Variants in EEPD1 observed in about 807,000 individuals in gnomAD.
EEPD1 encodes endonuclease/exonuclease/phosphatase family domain containing 1.
A neutral mutation model predicts 46.3 loss-of-function variants in EEPD1; 17 were observed. That is an observed-to-expected ratio of 0.37 (90% CI 0.25 to 0.55). The LOEUF (loss-of-function observed/expected upper bound fraction) is 0.55, where lower values mean the gene tolerates loss of function less well. EEPD1 is among the 20% of genes least tolerant of loss of function. EEPD1 has a pLI of 0.83. For missense variants in EEPD1, 673 were observed against 745.6 expected (o/e 0.90, Z 1.13); for synonymous variants, 313 against 315.6 (o/e 0.99, Z 0.09).
intron 2 of EEPD1, among the ~76,000 whole-genome samples, chr7:36,166,194 GT>G (rs1639884623): frequency 6.6e-6 from 1 of 152,190 alleles, no homozygotes; most frequent in Non-Finnish European, 1.5e-5. Context: ...GCTGAACTCA[GT>G]TTAACGCCAG....
Position 36,156,140 on chromosome 7 carries a change from G to A in EEPD1, c.878+938G>A, listed in dbSNP as rs547441493. 3.9e-5 allele frequency among the ~76,000 whole-genome samples: 6 copies of A among 152,320 alleles called. No homozygotes were observed. The East Asian group carries it at 7.7e-4, about 20-fold the overall frequency. On this transcript the variant is annotated intron_variant, in intron 2 of 7. Coordinates refer to ENST00000242108, the MANE Select transcript of EEPD1 (RefSeq NM_030636.3). ...AGGGGTGCAGTGTTTGTGGCTACTCGTTGATTTCCTTTGCACTGAGTTGTT... is the reference window on the plus strand; with the variant it reads ...AGGGGTGCAGTGTTTGTGGCTACTCATTGATTTCCTTTGCACTGAGTTGTT...
chr7:36,297,268 A>C, intron 7 of EEPD1, 81 bp downstream of exon 7: 42 of 1,466,264 alleles, frequency 2.9e-5, no homozygotes, highest in Non-Finnish European at 3.7e-5. Context: ...AAGTCATCTC[A>C]CCTCCTCTGA....
intron 2 of EEPD1, among the ~76,000 whole-genome samples, chr7:36,199,333 A>T (rs144895017): frequency 5.3e-5 from 8 of 152,258 alleles, no homozygotes; most frequent in African/African-American, 1.9e-4. Context: ...GAGAGATTTT[A>T]AATTTTCATT....
intron 3 of EEPD1, among the ~76,000 whole-genome samples, chr7:36,246,118 G>A (rs953352654): frequency 7.9e-5 from 12 of 152,220 alleles, no homozygotes; most frequent in African/African-American, 2.4e-4. Context: ...ACCAGAGGGC[G>A]GACCACTGGC....
chr7:36,233,470 C>A (rs574252943), intron 2 of EEPD1, among the ~76,000 whole-genome samples: 1 of 152,206 alleles, frequency 6.6e-6, no homozygotes, highest in Non-Finnish European at 1.5e-5. Context: ...ATTCCTTGAG[C>A]GCTTTCCATG....
intron 6 of EEPD1, among the ~76,000 whole-genome samples, chr7:36,291,701 A>C (rs562879507): frequency 3.7e-4 from 57 of 152,266 alleles, no homozygotes; most frequent in Non-Finnish European, 7.5e-4. Context: ...CTTTCCCTGC[A>C]GTTGTTATTA....
Position 36,212,569 on chromosome 7 carries a change from G to T in EEPD1, c.879-26416G>T, listed in dbSNP as rs1289925120. On this transcript the variant is annotated intron_variant, in intron 2 of 7. Coordinates refer to ENST00000242108, the MANE Select transcript of EEPD1 (RefSeq NM_030636.3). ...ATGTAGTGGTTCTTAACCTCTGTTT[G>T]CATCATGCTTGCTAATGTCCCATTG... Among the ~76,000 whole-genome samples, 2 of 29,388 alleles carry T rather than the reference G, an allele frequency of 6.8e-5. 1 individual carries two copies. The highest frequency in any genetic ancestry group is 2.4e-4 in the Non-Finnish European group (2 of 8,452). The allele number at this position is 29,388 out of a possible 152,430, so 19.3% of individuals were successfully genotyped here.
rs111571087 is a variant in EEPD1, at chr7:36,226,302, C to T, written c.879-12683C>T. Among the ~76,000 whole-genome samples, 363 of 152,220 alleles carry T rather than the reference C, an allele frequency of 2.4e-3. 2 individuals are homozygous for T. The highest frequency in any genetic ancestry group is 8.0e-3 in the African/African-American group (334 of 41,516). On this transcript the variant is annotated intron_variant, in intron 2 of 7. Coordinates refer to ENST00000242108, the MANE Select transcript of EEPD1 (RefSeq NM_030636.3). Reference sequence around the variant, plus strand: ...GCTCTGAATGATGAGTACTAATAGCCGCCATTCCGAGAGGCTTATGAGGGA... The same window carrying T: ...GCTCTGAATGATGAGTACTAATAGCTGCCATTCCGAGAGGCTTATGAGGGA...
chr7:36,269,140 T>G (rs1229038608), intron 3 of EEPD1, among the ~76,000 whole-genome samples: 3 of 152,170 alleles, frequency 2.0e-5, no homozygotes, highest in Admixed American at 2.0e-4. Flanking sequence ...CATGGCCATT[T>G]TAAACACACA....
At chr7:36,250,630 G>A (rs1786721665) in intron 3 of EEPD1, among the ~76,000 whole-genome samples, 2 of 152,180 alleles carry the variant, frequency 1.3e-5, no homozygotes, top group Non-Finnish European at 2.9e-5. Flanking sequence ...AGTCCAAAAT[G>A]TATCTTATTT....
In EEPD1 at chr7:36,154,124, A is replaced by G. The variant is rs148564104; in HGVS notation, c.-192-9A>G. On this transcript the variant is annotated splice_polypyrimidine_tract_variant and intron_variant, in intron 1 of 7. Transcript: ENST00000242108. The surrounding 1 kb of genome is among the most constrained non-coding windows in gnomAD (Gnocchi z 4.2). ...AATGGGTTTCTATGTTTATTGATTT[A>G]TTTTCTAGGCGGCCAAGTGAAAGGT... is the stretch of plus-strand genomic sequence containing the variant. 7.8e-4 allele frequency: 498 copies of G among 637,020 alleles called. 4 individuals are homozygous for G. The East Asian group carries it at 0.014, about 17-fold the overall frequency. 39.5% of individuals were successfully genotyped at this position (637,020 alleles called of 1,614,324 possible). A position where few individuals can be genotyped will look rare whatever the true frequency, so the allele number is the denominator to read the frequency against.
At chr7:36,236,335 A>C (rs1011404024) in intron 2 of EEPD1, among the ~76,000 whole-genome samples, 1 of 152,192 alleles carries the variant, frequency 6.6e-6, no homozygotes, top group Non-Finnish European at 1.5e-5. Context: ...CACGGGTTCC[A>C]GGTGAGCGCG....
chr7:36,213,740 C>T (rs1785977858), intron 2 of EEPD1, among the ~76,000 whole-genome samples: 1 of 152,154 alleles, frequency 6.6e-6, no homozygotes, highest in Admixed American at 6.5e-5. Flanking sequence ...CATGTAGGCT[C>T]AGCATCCTAT....
At chr7:36,280,974 G>T in intron 3 of EEPD1, 141 bp from the exon 4 acceptor site, 1 of 623,758 alleles carries the variant, frequency 1.6e-6, no homozygotes, top group Non-Finnish European at 2.7e-6. Context: ...CCTAGTGTTT[G>T]AAAAACAGGG....
At chr7:36,168,786 G>T (rs1452699996) in intron 2 of EEPD1, among the ~76,000 whole-genome samples, 1 of 151,516 alleles carries the variant, frequency 6.6e-6, no homozygotes, top group Admixed American at 6.6e-5. Flanking sequence ...GGGGAGGGGG[G>T]ACAGTTGTTT....
intron 3 of EEPD1, among the ~76,000 whole-genome samples, chr7:36,241,782 C>T (rs1786557331): frequency 2.0e-5 from 3 of 151,978 alleles, no homozygotes; most frequent in Non-Finnish European, 2.9e-5. Context: ...GCAGGATAAT[C>T]GCTTGAGTCT....
At chr7:36,272,500 G>GTTTTTTTTTTTT in intron 3 of EEPD1, among the ~76,000 whole-genome samples, 1 of 115,408 alleles carries the variant, frequency 8.7e-6, no homozygotes, top group Middle Eastern at 4.8e-3. Context: ...CTGGTTTTTT[G>GTTTTTTTTTTTT]TTGTTGTTTT....
intron 2 of EEPD1, among the ~76,000 whole-genome samples, chr7:36,208,186 G>T (rs1369752248): frequency 6.6e-6 from 1 of 152,180 alleles, no homozygotes; most frequent in Non-Finnish European, 1.5e-5. Context: ...CAGGGATGCT[G>T]GTTCCTGTGT....
At chr7:36,279,911 A>C (rs1787234846) in intron 3 of EEPD1, among the ~76,000 whole-genome samples, 1 of 152,174 alleles carries the variant, frequency 6.6e-6, no homozygotes, top group Admixed American at 6.5e-5. Context: ...CCAGTGACGG[A>C]CTTCTTAGAA....
Sources: gnomAD v4.1 joint callset for allele counts (sites outside exome capture counted in the v4.1 genomes callset) on GRCh38, gnomAD v4.1.1 for gene constraint, Gnocchi (gnomAD v3.1) non-coding constraint, MANE v1.5 for transcripts, NCBI Gene and HGNC (gene_info 2026-07-23, HGNC 2026-07-21) for gene names.